UCHL3: variants seen among roughly 807,000 people sequenced by gnomAD.
UCHL3 encodes the protein ubiquitin carboxyl-terminal hydrolase isozyme L3.
Under a neutral mutation model 35.8 loss-of-function variants are expected in UCHL3, and 22 were observed. That is an observed-to-expected ratio of 0.61 (90% confidence interval 0.44 to 0.88). The LOEUF (loss-of-function observed/expected upper bound fraction) is 0.88. Among genes scored for constraint, UCHL3 ranks in the 40% least tolerant of loss-of-function variants. The pLI, the probability that UCHL3 is intolerant of heterozygous loss-of-function variation, is 0.00. For synonymous variants in UCHL3, 90 were observed against 92.8 expected, an observed-to-expected ratio of 0.97 and a Z score of 0.17; for missense variants, 229 against 276.9, an observed-to-expected ratio of 0.83 and a Z score of 1.23.
intron 6 of UCHL3, among the ~76,000 whole-genome samples, chr13:75,589,250 T>C (rs1311617092): frequency 6.6e-6 from 1 of 152,184 alleles, no homozygotes; most frequent in African/African-American, 2.4e-5. Context: ...ATAACAGGAA[T>C]AGTTGTGCCT....
At chr13:75,590,061 A>C (rs2032437856) in intron 6 of UCHL3, 1 of 1,304,532 alleles carries the variant, frequency 7.7e-7, no homozygotes, top group Non-Finnish European at 1.0e-6. Context: ...AAAGGCTACC[A>C]GTCCATCTCT....
At position 75,592,427 on chromosome 13, in the gene UCHL3, T is replaced by TGTATATACATATATAC. The variant is rs1555276710; in HGVS notation, c.475-2488_475-2487insGTATATACATATATAC. On this transcript the variant is annotated intron_variant, in intron 6 of 8. Coordinates refer to ENST00000377595, the MANE Select transcript of UCHL3 (RefSeq NM_006002.5). ...TTAATTTTTCCTTCATATATATATA[T>TGTATATACATATATAC]ATATATATATATATATATATATATA... Among the ~76,000 whole-genome samples the TGTATATACATATATAC allele has an allele frequency of 9.9e-4, 72 of 72,376 alleles. 3 individuals are homozygous for TGTATATACATATATAC. The highest frequency in any genetic ancestry group is 3.6e-3 in the African/African-American group (70 of 19,306). The allele number at this position is 72,376 out of a possible 152,430, so 47.5% of individuals were successfully genotyped here.
intron 2 of UCHL3, 32 bp downstream of exon 2, chr13:75,550,019 G>C: frequency 1.2e-6 from 2 of 1,614,220 alleles, no homozygotes; most frequent in Admixed American, 1.7e-5. Flanking sequence ...CGGGACCTCG[G>C]AGTCTTTTCT....
At position 75,560,831 on chromosome 13, in the gene UCHL3, G is replaced by A. The variant is rs2031469133; in HGVS notation, c.133G>A (p.Val45Ile). 6.4e-7 allele frequency: 1 copy of A among 1,567,454 alleles called. No individual in the cohort carries two copies. Among genetic ancestry groups the A allele is most frequent in the Non-Finnish European group, 8.6e-7 (1 of 1,163,830 alleles). Residue 45 changes from valine to isoleucine, a missense_variant, in exon 3 of 9, where the codon GTA (valine) becomes ATA (isoleucine). Val to Ile is a conservative substitution (Grantham distance 29). Coordinates refer to ENST00000377595, the MANE Select transcript of UCHL3 (RefSeq NM_006002.5). ...YGMDPELLSM[V>I]PRPVCAVLLL... ...AATGGATCCTGAACTCCTTAGCATG[G>A]TACCAAGACCAGTCTGTGCAGTCTT... is the stretch of plus-strand genomic sequence containing the variant.
chr13:75,596,042 T>C (rs1178654252), intron 7 of UCHL3, among the ~76,000 whole-genome samples: 3 of 152,212 alleles, frequency 2.0e-5, no homozygotes, highest in Non-Finnish European at 2.9e-5. Context: ...TCTCATTTGC[T>C]GTCTATATAT....
intron 6 of UCHL3, among the ~76,000 whole-genome samples, chr13:75,592,410 TC>T (rs1435027840): frequency 3.4e-5 from 1 of 29,716 alleles, no homozygotes; most frequent in African/African-American, 9.9e-5. Flanking sequence ...TTTTAATTTT[TC>T]CTTCATATAT....
intron 6 of UCHL3, among the ~76,000 whole-genome samples, chr13:75,571,550 A>C (rs1362797005): frequency 1.3e-5 from 2 of 152,184 alleles, no homozygotes; most frequent in African/African-American, 4.8e-5. Context: ...AAATTCATTA[A>C]CTTCTGGTTT....
In UCHL3 at chr13:75,566,764, T is replaced by C. The variant is rs1455594220; in HGVS notation, c.253T>C (p.Tyr85His). The C allele has an allele frequency of 1.5e-5, 24 of 1,611,916 alleles. No homozygotes were observed. In the East Asian group the frequency reaches 4.5e-4, roughly 30 times the overall value. Residue 85 changes from tyrosine to histidine, a missense_variant, in exon 4 of 9, where the codon TAT becomes CAT. Coordinates refer to ENST00000377595, the MANE Select transcript of UCHL3 (RefSeq NM_006002.5). ...GGGACAAGATGTTACATCATCAGTA[T>C]ATTTCATGAAGCAAACAATCAGCAA... ...SQGQDVTSSV[Y>H]FMKQTISNAC...
chr13:75,585,209 A>C (rs2032290169), intron 6 of UCHL3, among the ~76,000 whole-genome samples: 1 of 152,196 alleles, frequency 6.6e-6, no homozygotes, highest in South Asian at 2.1e-4. Context: ...TCCTCCAAAA[A>C]ACAAACACAC....
At position 75,567,292 on chromosome 13, in the gene UCHL3, A is replaced by G; in HGVS notation, c.406A>G (p.Arg136Gly). 6.2e-7 allele frequency: 1 copy of G among 1,614,178 alleles called. No individual in the cohort carries two copies. Among genetic ancestry groups the G allele is most frequent in the Non-Finnish European group, 8.5e-7 (1 of 1,180,022 alleles). ...SVSMSPEERA[R>G]YLENYDAIRV... ...GTCAATGAGCCCTGAAGAACGAGCC[A>G]GATACCTGGAGAACTATGATGTCGG... Residue 136 changes from arginine (R) to glycine (G), a missense_variant, in exon 5 of 9, where the codon AGA becomes GGA. Physicochemically the swap from Arg to Gly is moderately radical, Grantham distance 125 (BLOSUM62 -2). Coordinates refer to ENST00000377595, the MANE Select transcript of UCHL3 (RefSeq NM_006002.5).
intron 6 of UCHL3, among the ~76,000 whole-genome samples, chr13:75,592,753 A>G (rs1350060222): frequency 1.3e-5 from 2 of 151,662 alleles, no homozygotes; most frequent in Non-Finnish European, 2.9e-5. Flanking sequence ...GGCTTTTCAT[A>G]CCCTTTTTAG....
intron 2 of UCHL3, among the ~76,000 whole-genome samples, chr13:75,551,394 G>A (rs1357098955): frequency 6.7e-6 from 1 of 149,608 alleles, no homozygotes; most frequent in Non-Finnish European, 1.5e-5. Context: ...TTGTGCCACT[G>A]CACTCCAGCC....
At chr13:75,571,519 C>G (rs143116314) in intron 6 of UCHL3, among the ~76,000 whole-genome samples, 1 of 152,278 alleles carries the variant, frequency 6.6e-6, no homozygotes, top group Non-Finnish European at 1.5e-5. Flanking sequence ...CATACTTTTT[C>G]CCACTGTAAC....
rs117855413 is a variant in UCHL3, at chr13:75,573,872, C to T, written c.474+4365C>T. 9.0e-4 allele frequency among the ~76,000 whole-genome samples: 137 copies of T among 152,246 alleles called. 3 individuals are homozygous for T. The East Asian group carries it at 0.021, about 24-fold the overall frequency. ...CAACCCAGTACACTTCCGGGTATACCGCTGCTCTTTGCAGAGTTGGAGACT... is the reference window on the plus strand; with the variant it reads ...CAACCCAGTACACTTCCGGGTATACTGCTGCTCTTTGCAGAGTTGGAGACT... On this transcript the variant is annotated intron_variant, in intron 6 of 8. Transcript: ENST00000377595.
intron 6 of UCHL3, among the ~76,000 whole-genome samples, chr13:75,583,641 T>A (rs1210658961): frequency 6.6e-6 from 1 of 152,200 alleles, no homozygotes; most frequent in South Asian, 2.1e-4. Flanking sequence ...GATGCATATA[T>A]AGATACTTGT....
At chr13:75,604,629 A>T in intron 7 of UCHL3, 140 bp from the exon 8 acceptor site, 1 of 489,908 alleles carries the variant, frequency 2.0e-6, no homozygotes, top group Non-Finnish European at 3.4e-6. Flanking sequence ...GTAGCACATT[A>T]AAACATTTGT....
At chr13:75,553,002 G>A (rs766503858) in intron 2 of UCHL3, among the ~76,000 whole-genome samples, 1 of 152,060 alleles carries the variant, frequency 6.6e-6, no homozygotes, top group Non-Finnish European at 1.5e-5. Flanking sequence ...ATTTTCTAGC[G>A]TAATACCGAA....
At chr13:75,570,355 C>G (rs934087076) in intron 6 of UCHL3, among the ~76,000 whole-genome samples, 1 of 152,100 alleles carries the variant, frequency 6.6e-6, no homozygotes, top group African/African-American at 2.4e-5. Flanking sequence ...CCTGCCTCAG[C>G]CTCCCGAGTC....
chr13:75,560,041 T>C (rs997544255), intron 2 of UCHL3, among the ~76,000 whole-genome samples: 2 of 152,188 alleles, frequency 1.3e-5, no homozygotes, highest in African/African-American at 4.8e-5. Flanking sequence ...TGAAGTTAAG[T>C]AGGTTTCATT....
Sources: allele counts gnomAD v4.1 joint callset (sites outside exome capture counted in the v4.1 genomes callset), GRCh38; gene constraint gnomAD v4.1.1; transcripts MANE v1.5; gene names NCBI Gene and HGNC (gene_info 2026-07-23, HGNC 2026-07-21).